The following ERBB4 variants were observed in gnomAD, a reference collection of about 807,000 sequenced individuals.
ERBB4 encodes the protein erb-b2 receptor tyrosine kinase 4.
Under a neutral mutation model 158.0 loss-of-function variants are expected in ERBB4, and 42 were observed. The observed-to-expected ratio is 0.27, with a 90% CI of 0.21 to 0.34. The LOEUF (loss-of-function observed/expected upper bound fraction) is 0.34. Ranked by LOEUF, ERBB4 falls within the 10% of genes least tolerant of loss-of-function variation. ERBB4 has a pLI of 1.00. For missense variants in ERBB4, 1,333 were observed against 1,624.1 expected (o/e 0.82, Z 3.08); for synonymous variants, 583 against 558.7 (o/e 1.04, Z -0.61).
chr2:211,920,662 G>A (rs369953980), intron 3 of ERBB4, among the ~76,000 whole-genome samples: 7 of 150,480 alleles, frequency 4.7e-5, no homozygotes, highest in Admixed American at 6.6e-5. Context: ...AAAACAAAAA[G>A]CCAGTAGCTG....
intron 1 of ERBB4, among the ~76,000 whole-genome samples, chr2:212,239,336 C>A (rs569162761): frequency 2.0e-5 from 3 of 152,312 alleles, no homozygotes; most frequent in Admixed American, 6.5e-5. Context: ...ACCCATCACA[C>A]CCAGCTAGAT....
intron 1 of ERBB4, among the ~76,000 whole-genome samples, chr2:212,389,046 A>C (rs2090769137): frequency 6.6e-6 from 1 of 152,114 alleles, no homozygotes; most frequent in Non-Finnish European, 1.5e-5. Context: ...AAAAGTGTAT[A>C]GACTACAGGT....
At chr2:211,806,021 G>T (rs2105901901) in intron 3 of ERBB4, among the ~76,000 whole-genome samples, 1 of 151,974 alleles carries the variant, frequency 6.6e-6, no homozygotes. Flanking sequence ...GTTATAGAGA[G>T]AAGAAAGAAC....
intron 1 of ERBB4, among the ~76,000 whole-genome samples, chr2:212,503,998 T>A (rs1315201779): frequency 6.6e-6 from 1 of 152,242 alleles, no homozygotes; most frequent in Non-Finnish European, 1.5e-5. Flanking sequence ...GTAGACACCT[T>A]GAAAATGTCC....
chr2:211,795,666 C>A (rs2076368281), intron 3 of ERBB4, among the ~76,000 whole-genome samples: 3 of 151,542 alleles, frequency 2.0e-5, no homozygotes, highest in Non-Finnish European at 4.4e-5. Flanking sequence ...AAAAACCATG[C>A]AAAAGACGGA....
rs959812871 is a variant in ERBB4 at position 211,710,730 on chromosome 2, C to T, written c.1124+1320G>A. Among the ~76,000 whole-genome samples the T allele has an allele frequency of 2.6e-5, 4 of 152,050 alleles. No homozygotes were observed. The South Asian group carries it at 8.3e-4, about 31-fold the overall frequency. ...TGTTCTCATGATAGTGAATAATTCT[C>T]GTGAGATCTGATGGTTTTATACAGG... is the stretch of plus-strand genomic sequence containing the variant. On this transcript the variant is annotated intron_variant, in intron 9 of 27. Transcript: ENST00000342788.
At chr2:211,939,455 T>C (rs1051036402) in intron 3 of ERBB4, among the ~76,000 whole-genome samples, 1 of 151,948 alleles carries the variant, frequency 6.6e-6, no homozygotes, top group South Asian at 2.1e-4. Flanking sequence ...ACATATGGGA[T>C]ATTACAATTA....
intron 19 of ERBB4, among the ~76,000 whole-genome samples, chr2:211,595,370 A>G (rs943632359): frequency 5.9e-5 from 9 of 152,190 alleles, no homozygotes; most frequent in African/African-American, 2.2e-4. Flanking sequence ...CAGATGTACT[A>G]GAAAAAAATC....
chr2:211,542,905 T>C (rs547622679), intron 20 of ERBB4, among the ~76,000 whole-genome samples: 1 of 152,104 alleles, frequency 6.6e-6, no homozygotes, highest in African/African-American at 2.4e-5. Context: ...TTAGATTCGT[T>C]CAATCCCAAA....
At chr2:211,784,612 T>C (rs2076112928) in intron 4 of ERBB4, among the ~76,000 whole-genome samples, 1 of 152,206 alleles carries the variant, frequency 6.6e-6, no homozygotes, top group African/African-American at 2.4e-5. Flanking sequence ...CCTTTGGATA[T>C]ATATCCAGAA....
chr2:212,221,530 T>G (rs1025882215), intron 1 of ERBB4, among the ~76,000 whole-genome samples: 8 of 151,482 alleles, frequency 5.3e-5, no homozygotes, highest in Admixed American at 4.0e-4. Flanking sequence ...TTTCCTCCAA[T>G]AGCTTTATTT....
intron 1 of ERBB4, among the ~76,000 whole-genome samples, chr2:212,509,307 C>G (rs887232257): frequency 1.3e-5 from 2 of 151,818 alleles, no homozygotes; most frequent in African/African-American, 4.8e-5. Context: ...AATCATTTTC[C>G]CATTATGACT....
intron 2 of ERBB4, among the ~76,000 whole-genome samples, chr2:212,026,412 C>A (rs2139938): frequency 0.11 from 17,014 of 151,556 alleles, 1,427 homozygotes; most frequent in South Asian, 0.29. Flanking sequence ...ACTGTAGATA[C>A]CAGAACCTCT....
chr2:211,632,369 C>A (rs753564675), intron 16 of ERBB4, among the ~76,000 whole-genome samples: 21 of 151,928 alleles, frequency 1.4e-4, no homozygotes, highest in Non-Finnish European at 2.5e-4. Flanking sequence ...CTTAACATAT[C>A]CCTGAAAAGT....
chr2:212,401,773 G>A (rs893346728), intron 1 of ERBB4, among the ~76,000 whole-genome samples: 2 of 151,916 alleles, frequency 1.3e-5, no homozygotes, highest in Non-Finnish European at 1.5e-5. Context: ...AGAGTATAGA[G>A]TAAGGCTCTC....
At chr2:212,082,523 C>CT (rs1204118899) in intron 2 of ERBB4, among the ~76,000 whole-genome samples, 1 of 151,916 alleles carries the variant, frequency 6.6e-6, no homozygotes, top group African/African-American at 2.4e-5. Flanking sequence ...TAGAACAGGG[C>CT]TTTTTTAAAT....
At chr2:212,088,244 T>C (rs772230424) in intron 2 of ERBB4, among the ~76,000 whole-genome samples, 7 of 152,098 alleles carry the variant, frequency 4.6e-5, no homozygotes, top group Non-Finnish European at 1.0e-4. Flanking sequence ...TCAAACACTT[T>C]AATAAATAGA....
rs189113919 is a variant in ERBB4, at chr2:211,610,955, T to C, written c.2301+8222A>G. Among the ~76,000 whole-genome samples the C allele has an allele frequency of 3.9e-5, 6 of 152,184 alleles. No individual in the cohort carries two copies. In the East Asian group the frequency reaches 1.2e-3, roughly 29 times the overall value. ...GGATAGTCTCTTTTAGGTACTTCAA[T>C]GGAGAAATTAAGCCTGTTGGAATGC... is the stretch of plus-strand genomic sequence containing the variant. On this transcript the variant is annotated intron_variant, in intron 19 of 27. Coordinates refer to ENST00000342788, the MANE Select transcript of ERBB4 (RefSeq NM_005235.3).
intron 15 of ERBB4, among the ~76,000 whole-genome samples, chr2:211,664,327 ATG>A (rs113835907): frequency 0.37 from 54,267 of 148,628 alleles, 10,033 homozygotes; most frequent in Middle Eastern, 0.46. Flanking sequence ...TCAACTACAA[ATG>A]TGTGTGTGTG....
Sources: gnomAD v4.1 joint callset for allele counts (sites outside exome capture counted in the v4.1 genomes callset) on GRCh38, gnomAD v4.1.1 for gene constraint, MANE v1.5 for transcripts, NCBI Gene and HGNC (gene_info 2026-07-23, HGNC 2026-07-21) for gene names.